Variants in DOCK11 observed in about 807,000 individuals in gnomAD.
DOCK11 encodes the protein dedicator of cytokinesis protein 11.
In DOCK11, 70 loss-of-function variants were observed where a neutral mutation model predicts 169.1. That is an observed-to-expected ratio of 0.41 (90% confidence interval 0.34 to 0.51). DOCK11 has a LOEUF of 0.51. DOCK11 is among the 20% of genes least tolerant of loss of function. DOCK11 has a pLI of 0.10. For synonymous variants in DOCK11, 529 were observed against 541.3 expected, an observed-to-expected ratio of 0.98 and a Z score of 0.32; for missense variants, 1,166 against 1,538.8, an observed-to-expected ratio of 0.76 and a Z score of 4.05.
chrX:118,639,915 A>T (rs2015487330), intron 38 of DOCK11, among the ~76,000 whole-genome samples: 1 of 111,913 alleles, frequency 8.9e-6, no homozygotes. Context: ...AAGAAACTAA[A>T]TTTTTCCCAT....
intron 14 of DOCK11, among the ~76,000 whole-genome samples, 181 bp downstream of exon 14, chrX:118,580,360 A>G (rs1426686953): frequency 3.6e-5 from 4 of 111,904 alleles, no homozygotes; most frequent in African/African-American, 1.3e-4. Flanking sequence ...CTTGTTGCCC[A>G]GGCTGGAGTG....
At chrX:118,610,584 C>T (rs1035805780) in intron 28 of DOCK11, among the ~76,000 whole-genome samples, 166 bp downstream of exon 28, 1 of 112,096 alleles carries the variant, frequency 8.9e-6, no homozygotes, top group African/African-American at 3.2e-5. Flanking sequence ...CTGCAACAAA[C>T]ATGGGAGTGT....
chrX:118,648,856 T>C, intron 40 of DOCK11, 89 bp from the exon 41 acceptor site: 2 of 829,305 alleles, frequency 2.4e-6, no homozygotes, highest in African/African-American at 2.1e-5. Context: ...CCCAGCATAG[T>C]TTTAGGTGAG....
intron 45 of DOCK11, 22 bp from the exon 46 acceptor site, chrX:118,671,000 AT>A (rs779897556): frequency 8.6e-7 from 1 of 1,156,411 alleles, no homozygotes; most frequent in African/African-American, 1.8e-5. Flanking sequence ...TTAATTCCTA[AT>A]TGGATTTTTC....
chrX:118,566,135 C>T lies in DOCK11; in HGVS notation c.824C>T (p.Thr275Ile). The T allele has an allele frequency of 8.3e-7, 1 of 1,208,638 alleles. No homozygotes were observed. The highest frequency in any genetic ancestry group is 1.1e-6 in the Non-Finnish European group (1 of 894,356). The change falls in exon 8 of 53, where the codon ACC (threonine) becomes ATC (isoleucine). Residue 275 changes from threonine to isoleucine, a missense_variant. Coordinates refer to ENST00000276202, the MANE Select transcript of DOCK11 (RefSeq NM_144658.4). ...ITLKKIIQIN[T>I]DSLVQEKKET... ...TTGAAAAAGATTATTCAGATCAACA[C>T]CGACAGTTTAGTTCAAGAAAAAAAG...
intron 12 of DOCK11, among the ~76,000 whole-genome samples, chrX:118,574,611 C>T (rs959903105): frequency 3.6e-5 from 4 of 111,570 alleles, no homozygotes; most frequent in African/African-American, 1.3e-4. Flanking sequence ...CACACCTGCA[C>T]CCACACTCAT....
intron 1 of DOCK11, among the ~76,000 whole-genome samples, chrX:118,502,849 T>C (rs778218197): frequency 1.8e-5 from 2 of 111,257 alleles, no homozygotes; most frequent in African/African-American, 6.5e-5. Flanking sequence ...GGGCAATGTT[T>C]TGTATCATTT....
intron 31 of DOCK11, 150 bp downstream of exon 31, chrX:118,618,878 G>A (rs1271979084): frequency 6.6e-6 from 3 of 452,670 alleles, no homozygotes; most frequent in Non-Finnish European, 1.0e-5. Context: ...TTTTTTTTGA[G>A]ACAGAGTTTC....
intron 32 of DOCK11, among the ~76,000 whole-genome samples, chrX:118,626,919 G>A (rs1344009826): frequency 8.9e-6 from 1 of 112,630 alleles, no homozygotes; most frequent in African/African-American, 3.2e-5. Context: ...TTCTAAGGAG[G>A]AGAACTGAAT....
At chrX:118,527,132 C>T (rs1478184566) in intron 1 of DOCK11, among the ~76,000 whole-genome samples, 2 of 112,070 alleles carry the variant, frequency 1.8e-5, no homozygotes, top group African/African-American at 6.5e-5. Context: ...ATTTCATGTA[C>T]TGTATATACT....
At chrX:118,601,280 C>T (rs757654457) in intron 23 of DOCK11, among the ~76,000 whole-genome samples, 1 of 109,258 alleles carries the variant, frequency 9.2e-6, no homozygotes, top group East Asian at 2.9e-4. Flanking sequence ...AAAAATTAGC[C>T]GGGCATAGTG....
chrX:118,649,040 G>C lies in DOCK11; in HGVS notation c.4494G>C (p.Arg1498Ser). Residue 1498 changes from arginine (R) to serine (S), a missense_variant, in exon 41 of 53, where the codon AGG (arginine) becomes AGC (serine). Coordinates refer to ENST00000276202, the MANE Select transcript of DOCK11 (RefSeq NM_144658.4). ...KCCTSKISSTRNEASALLYLL... is the reference protein window; with the variant it reads ...KCCTSKISSTSNEASALLYLL... ...GCACATCGAAGATTAGCTCAACCAG[G>C]AATGAAGCATCTGCACTTTTGTATC... 1 of 1,207,447 alleles carries C rather than the reference G, an allele frequency of 8.3e-7. No individual in the cohort carries two copies.
At chrX:118,619,785 TAC>T (rs2014923393) in intron 31 of DOCK11, among the ~76,000 whole-genome samples, 1 of 109,257 alleles carries the variant, frequency 9.2e-6, no homozygotes, top group Admixed American at 9.9e-5. Context: ...CGGTCACAGC[TAC>T]AGTTTCTATT....
intron 1 of DOCK11, among the ~76,000 whole-genome samples, chrX:118,498,459 A>C (rs1231444185): frequency 8.9e-6 from 1 of 112,561 alleles, no homozygotes; most frequent in South Asian, 3.6e-4. Context: ...CTTACATGGA[A>C]TGTATGCTCC....
chrX:118,653,357 T>G (rs979280710), intron 42 of DOCK11, among the ~76,000 whole-genome samples: 6 of 111,562 alleles, frequency 5.4e-5, no homozygotes, highest in Non-Finnish European at 1.1e-4. Flanking sequence ...TTTATGTATA[T>G]AATTATTATT....
chrX:118,579,823 G>A (rs1317383548), intron 13 of DOCK11, among the ~76,000 whole-genome samples: 1 of 112,071 alleles, frequency 8.9e-6, no homozygotes, highest in South Asian at 3.7e-4. Flanking sequence ...TTTTCCAGTA[G>A]AGGTCTTGGT....
At position 118,581,582 on chromosome X, in the gene DOCK11, T is replaced by A. The variant is rs763586340; in HGVS notation, c.1595+1403T>A. ...ACTTTGGGAGGCCGAGGCGGGTGGATCACGAGGTCAGGAGATCGAGACCAT... is the reference window on the plus strand; with the variant it reads ...ACTTTGGGAGGCCGAGGCGGGTGGAACACGAGGTCAGGAGATCGAGACCAT... On this transcript the variant is annotated intron_variant, in intron 14 of 52. Coordinates refer to ENST00000276202, the MANE Select transcript of DOCK11 (RefSeq NM_144658.4). Among the ~76,000 whole-genome samples the A allele has an allele frequency of 6.4e-5, 7 of 109,072 alleles. No individual in the cohort carries two copies. The East Asian group carries it at 2.0e-3, about 31-fold the overall frequency. 94.7% of individuals were successfully genotyped at this position (109,072 alleles called of 115,157 possible).
chrX:118,648,589 AAT>A (rs1277299241), intron 40 of DOCK11, among the ~76,000 whole-genome samples: 8 of 75,222 alleles, frequency 1.1e-4, no homozygotes, highest in East Asian at 5.8e-4. Context: ...ATAAATATAT[AAT>A]ATATATAATA....
intron 6 of DOCK11, among the ~76,000 whole-genome samples, chrX:118,558,509 C>G (rs2012799007): frequency 8.9e-6 from 1 of 112,044 alleles, no homozygotes; most frequent in Non-Finnish European, 1.9e-5. Context: ...CCCTAAGTAG[C>G]TGCATTGTGG....
Sources: allele counts gnomAD v4.1 joint callset (sites outside exome capture counted in the v4.1 genomes callset), GRCh38; gene constraint gnomAD v4.1.1; transcripts MANE v1.5; gene names NCBI Gene and HGNC (gene_info 2026-07-23, HGNC 2026-07-21).